MCUB: variants seen among roughly 807,000 people sequenced by gnomAD.
MCUB encodes mitochondrial calcium uniporter dominant negative subunit beta.
A neutral mutation model predicts 41.4 loss-of-function variants in MCUB; 46 were observed. The ratio of observed to expected loss-of-function variants is 1.11; its 90% CI spans 0.88 to 1.42. MCUB has a LOEUF of 1.42. MCUB is among the 40% of genes most tolerant of loss of function. MCUB has a pLI of 0.00. For synonymous variants in MCUB, 148 were observed against 148.2 expected (o/e 1.00, Z 0.01); for missense variants, 403 against 404.9 (o/e 1.00, Z 0.04).
rs772447739 is a variant in MCUB, at chr4:109,601,089, G to A, written c.99+40653G>A. Among the ~76,000 whole-genome samples, 9 of 141,836 alleles carry A rather than the reference G, an allele frequency of 6.3e-5. No homozygotes were observed. In the East Asian group the frequency reaches 1.0e-3, roughly 16 times the overall value. The allele number at this position is 141,836 out of a possible 152,430, so 93.0% of individuals were successfully genotyped here. A position where few individuals can be genotyped will look rare whatever the true frequency, so the allele number is the denominator to read the frequency against. On this transcript the variant is annotated intron_variant, in intron 1 of 7. Transcript: ENST00000394650. Reference sequence around the variant, plus strand: ...ATTACAGGCGTGAGCTACCGCACCCGGCCTATTGTATCTTTTTTTAAAAAA... The same window carrying A: ...ATTACAGGCGTGAGCTACCGCACCCAGCCTATTGTATCTTTTTTTAAAAAA...
intron 1 of MCUB, among the ~76,000 whole-genome samples, chr4:109,569,192 G>A (rs1220490866): frequency 1.3e-5 from 2 of 151,076 alleles, no homozygotes; most frequent in Non-Finnish European, 3.0e-5. Flanking sequence ...GACTACAGGT[G>A]CCTGCCACCA....
intron 5 of MCUB, among the ~76,000 whole-genome samples, chr4:109,683,443 G>A (rs1447830230): frequency 1.3e-5 from 2 of 152,014 alleles, no homozygotes; most frequent in African/African-American, 4.8e-5. Context: ...TACCATTTTA[G>A]TTTTTTCTTT....
intron 1 of MCUB, among the ~76,000 whole-genome samples, chr4:109,604,385 A>T (rs964488006): frequency 1.3e-5 from 2 of 151,876 alleles, no homozygotes; most frequent in Non-Finnish European, 2.9e-5. Flanking sequence ...AATAAATACT[A>T]AAAAAATTTA....
At chr4:109,613,068 T>C (rs1193876243) in intron 1 of MCUB, among the ~76,000 whole-genome samples, 1 of 152,010 alleles carries the variant, frequency 6.6e-6, no homozygotes, top group Non-Finnish European at 1.5e-5. Flanking sequence ...ATCACACCAC[T>C]GCACTCCAGC....
At chr4:109,642,949 G>T in intron 1 of MCUB, among the ~76,000 whole-genome samples, 1 of 136,946 alleles carries the variant, frequency 7.3e-6, no homozygotes, top group African/African-American at 2.7e-5. Context: ...GGGCTGGAGT[G>T]CAATGGCGTA....
intron 1 of MCUB, among the ~76,000 whole-genome samples, chr4:109,576,191 A>G (rs534772020): frequency 6.6e-6 from 1 of 152,200 alleles, no homozygotes; most frequent in Admixed American, 6.5e-5. Context: ...CAACCTCAAT[A>G]TAACACTCCA....
At chr4:109,616,885 C>T (rs745821057) in intron 1 of MCUB, among the ~76,000 whole-genome samples, 27 of 152,064 alleles carry the variant, frequency 1.8e-4, no homozygotes, top group Admixed American at 1.2e-3. Context: ...ATTTTAGGTA[C>T]AGTTAGTGTT....
At chr4:109,590,805 T>A (rs28411008) in intron 1 of MCUB, among the ~76,000 whole-genome samples, 2,750 of 152,348 alleles carry the variant, frequency 0.018, 60 homozygotes, top group South Asian at 0.072. Flanking sequence ...TAATCTTAGC[T>A]TAGTATTCAG....
intron 4 of MCUB, among the ~76,000 whole-genome samples, chr4:109,665,593 G>A (rs1268427655): frequency 2.6e-5 from 4 of 152,256 alleles, no homozygotes; most frequent in African/African-American, 9.6e-5. Flanking sequence ...TAAATCTCTA[G>A]ATTACTTACA....
At chr4:109,564,516 C>CA (rs1579039664) in intron 1 of MCUB, among the ~76,000 whole-genome samples, 3 of 152,130 alleles carry the variant, frequency 2.0e-5, no homozygotes, top group Admixed American at 6.5e-5. Flanking sequence ...AAATCTATTC[C>CA]AAAAAAATTA....
At chr4:109,671,593 A>C (rs963190934) in intron 4 of MCUB, among the ~76,000 whole-genome samples, 2 of 152,040 alleles carry the variant, frequency 1.3e-5, no homozygotes, top group Non-Finnish European at 2.9e-5. Flanking sequence ...CTAAGTTTCT[A>C]TCTCTCCATT....
At chr4:109,650,137 G>C (rs923202744) in intron 1 of MCUB, among the ~76,000 whole-genome samples, 15 of 152,158 alleles carry the variant, frequency 9.9e-5, no homozygotes, top group Non-Finnish European at 1.8e-4. Flanking sequence ...GAGTTTTGGT[G>C]AGTCATTCTT....
At chr4:109,621,750 A>G (rs1017649542) in intron 1 of MCUB, among the ~76,000 whole-genome samples, 1 of 152,240 alleles carries the variant, frequency 6.6e-6, no homozygotes. Flanking sequence ...GTTAAGTCAC[A>G]AAATTATAAT....
chr4:109,581,075 A>T (rs1294869354), intron 1 of MCUB, among the ~76,000 whole-genome samples: 2 of 152,240 alleles, frequency 1.3e-5, no homozygotes, highest in Non-Finnish European at 2.9e-5. Flanking sequence ...TTGCCAAGTC[A>T]ATCCTAAGCG....
rs553306478 is a variant in MCUB at position 109,678,484 on chromosome 4, G to C, written c.452-4098G>C. ...CCTCACCTCCCAGACGGGGCGGCCGGGCAGAGGCGCTCCCCATTTCCCAGA... is the reference window on the plus strand; with the variant it reads ...CCTCACCTCCCAGACGGGGCGGCCGCGCAGAGGCGCTCCCCATTTCCCAGA... On this transcript the variant is annotated intron_variant, in intron 4 of 7. Coordinates refer to ENST00000394650, the MANE Select transcript of MCUB (RefSeq NM_017918.5). 1.4e-4 allele frequency among the ~76,000 whole-genome samples: 20 copies of C among 147,052 alleles called. No homozygotes were observed. The South Asian group carries it at 4.4e-3, about 32-fold the overall frequency.
At position 109,562,810 on chromosome 4, in the gene MCUB, T is replaced by C. The variant is rs367914798; in HGVS notation, c.99+2374T>C. Among the ~76,000 whole-genome samples the C allele has an allele frequency of 8.5e-5, 13 of 152,360 alleles. No individual in the cohort carries two copies. In the East Asian group the frequency reaches 2.3e-3, roughly 27 times the overall value. The stretch of plus-strand genomic sequence containing the variant: ...GCCTTATAGGAGCATTTAATAACTT[T>C]GAAAAATACACAATTCTCATACTTC... On this transcript the variant is annotated intron_variant, in intron 1 of 7. Coordinates refer to ENST00000394650, the MANE Select transcript of MCUB (RefSeq NM_017918.5).
chr4:109,588,308 G>A (rs928249176), intron 1 of MCUB, among the ~76,000 whole-genome samples: 6 of 152,184 alleles, frequency 3.9e-5, no homozygotes, highest in African/African-American at 1.4e-4. Flanking sequence ...CAATGGATGT[G>A]TTTCTCATTT....
At chr4:109,565,643 T>G (rs1241847596) in intron 1 of MCUB, among the ~76,000 whole-genome samples, 1 of 152,216 alleles carries the variant, frequency 6.6e-6, no homozygotes, top group African/African-American at 2.4e-5. Flanking sequence ...TAATGCTGTT[T>G]CGTTCATTAT....
chr4:109,574,269 A>G (rs6821729), intron 1 of MCUB, among the ~76,000 whole-genome samples: 42,057 of 152,102 alleles, frequency 0.28, 8,792 homozygotes, highest in African/African-American at 0.59. Context: ...TGTTGCTTCC[A>G]AGCAAGGAAA....
Sources: allele counts gnomAD v4.1 joint callset (sites outside exome capture counted in the v4.1 genomes callset), GRCh38; gene constraint gnomAD v4.1.1; transcripts MANE v1.5; gene names NCBI Gene and HGNC (gene_info 2026-07-23, HGNC 2026-07-21).